Variants in SMARCA4 observed in about 807,000 individuals in gnomAD.
The protein encoded by SMARCA4 is SWI/SNF related BAF chromatin remodeling complex subunit ATPase 4.
Under a neutral mutation model 193.9 loss-of-function variants are expected in SMARCA4, and 31 were observed. That is an observed-to-expected ratio of 0.16 (90% CI 0.12 to 0.22). SMARCA4 has a LOEUF of 0.22. Among genes scored for constraint, SMARCA4 ranks in the 10% least tolerant of loss-of-function variants. The pLI is 1.00. For missense variants in SMARCA4, 1,148 were observed against 2,296.0 expected, an observed-to-expected ratio of 0.50 and a Z score of 10.22; for synonymous variants, 942 against 933.1, an observed-to-expected ratio of 1.01 and a Z score of -0.17.
chr19:10,974,708 T>A (rs1362951007), intron 1 of SMARCA4, among the ~76,000 whole-genome samples: 5 of 104,902 alleles, frequency 4.8e-5, no homozygotes, highest in African/African-American at 1.1e-4. Flanking sequence ...TTTTTTTTTT[T>A]TTTTTTTTTT....
At position 11,034,389 on chromosome 19, in the gene SMARCA4, G is replaced by A. The variant is rs1271177682; in HGVS notation, c.3951+189G>A. Among the ~76,000 whole-genome samples, 3 of 152,140 alleles carry A rather than the reference G, an allele frequency of 2.0e-5. No individual in the cohort carries two copies. Among genetic ancestry groups the A allele is most frequent in the East Asian group, 1.9e-4 (1 of 5,188 alleles). On this transcript the variant is annotated intron_variant, in intron 28 of 34. Coordinates refer to ENST00000344626, the MANE Select transcript of SMARCA4 (RefSeq NM_003072.5). This position sits in a 1 kb window ranked among gnomAD's most constrained non-coding sequence, Gnocchi z 7.0. The stretch of plus-strand genomic sequence containing the variant: ...CCCCCAGTCTCCTGAGGATGGCATC[G>A]GAGGGCGAGATGCACACCCAGCCTT...
At chr19:11,049,167 G>A (rs547601987) in intron 30 of SMARCA4, among the ~76,000 whole-genome samples, 15 of 152,300 alleles carry the variant, frequency 9.8e-5, no homozygotes, top group East Asian at 9.7e-4. Context: ...AGTGTCCCAG[G>A]CAGAGAGGAC....
Position 11,035,063 on chromosome 19 carries a change from C to T in SMARCA4, c.4101C>T (p.Phe1367=), listed in dbSNP as rs772075876. ...LTCEEEEEKM[F]GRGSRHRKEV... is the part of the protein sequence containing the mutation. ...GTGAGGAGGAGGAGGAGAAGATGTTCGGCCGTGGCTCCCGCCACCGCAAGG... is the reference window on the plus strand; with the variant it reads ...GTGAGGAGGAGGAGGAGAAGATGTTTGGCCGTGGCTCCCGCCACCGCAAGG... Residue 1367 remains phenylalanine (F), a synonymous_variant, in exon 29 of 35, where the codon TTC becomes TTT. Coordinates refer to ENST00000344626, the MANE Select transcript of SMARCA4 (RefSeq NM_003072.5). 5.0e-6 allele frequency: 8 copies of T among 1,612,994 alleles called. No individual in the cohort carries two copies. Among genetic ancestry groups the T allele is most frequent in the African/African-American group, 4.0e-5 (3 of 75,066 alleles).
At chr19:11,043,048 T>C (rs185039946) in intron 30 of SMARCA4, among the ~76,000 whole-genome samples, 13 of 152,136 alleles carry the variant, frequency 8.5e-5, no homozygotes, top group East Asian at 5.8e-4. Context: ...CCCAGCACTT[T>C]AGGAGGCCAA....
intron 1 of SMARCA4, among the ~76,000 whole-genome samples, chr19:10,968,067 G>C: frequency 6.6e-6 from 1 of 151,002 alleles, no homozygotes; most frequent in South Asian, 2.1e-4. Flanking sequence ...TAGCCAGGAT[G>C]GTCTTGATCT....
Position 11,058,248 on chromosome 19 carries a change from C to T in SMARCA4, c.4425-7C>T, listed in dbSNP as rs1600629535. ...CGGGGGTGATAGCCGCCGGTTCTGCCTTGCAGCAGCAGTGGACGTCAGCTC... is the reference window on the plus strand; with the variant it reads ...CGGGGGTGATAGCCGCCGGTTCTGCTTTGCAGCAGCAGTGGACGTCAGCTC... On this transcript the variant is annotated splice_region_variant and splice_polypyrimidine_tract_variant and intron_variant, in intron 30 of 34. Transcript: ENST00000344626. This position sits in a 1 kb window ranked among gnomAD's most constrained non-coding sequence, Gnocchi z 5.8. 6.2e-7 allele frequency: 1 copy of T among 1,608,144 alleles called. No individual in the cohort carries two copies.
intron 1 of SMARCA4, among the ~76,000 whole-genome samples, chr19:10,975,560 T>C (rs1041712145): frequency 2.0e-5 from 3 of 151,266 alleles, no homozygotes; most frequent in Non-Finnish European, 4.4e-5. Context: ...CCGCCCACCT[T>C]GGCCTCGCAA....
At position 11,048,447 on chromosome 19, in the gene SMARCA4, A is replaced by G. The variant is rs146358147; in HGVS notation, c.4424+6887A>G. Among the ~76,000 whole-genome samples the G allele has an allele frequency of 2.9e-4, 44 of 152,328 alleles. No homozygotes were observed. The East Asian group carries it at 8.1e-3, about 28-fold the overall frequency. On this transcript the variant is annotated intron_variant, in intron 30 of 34. Coordinates refer to ENST00000344626, the MANE Select transcript of SMARCA4 (RefSeq NM_003072.5). Reference sequence around the variant, plus strand: ...CTCTCCAGAACCCTCTAAGTAGTTCAGCTCTGCAATTGAGTTAAATGTGAA... The same window carrying G: ...CTCTCCAGAACCCTCTAAGTAGTTCGGCTCTGCAATTGAGTTAAATGTGAA...
At chr19:10,977,309 C>A (rs778240192) in intron 1 of SMARCA4, among the ~76,000 whole-genome samples, 2 of 151,752 alleles carry the variant, frequency 1.3e-5, no homozygotes, top group Non-Finnish European at 2.9e-5. Flanking sequence ...GTTACGGACT[C>A]GAGTTTTTTT....
intron 19 of SMARCA4, 97 bp downstream of exon 19, chr19:11,022,064 G>A (rs1274283218): frequency 2.6e-6 from 4 of 1,561,194 alleles, no homozygotes; most frequent in Admixed American, 1.7e-5. Flanking sequence ...GGCTGGGCCT[G>A]TGCTGGGTGC....
At chr19:11,018,546 T>C (rs749759028) in intron 16 of SMARCA4, among the ~76,000 whole-genome samples, 2 of 152,156 alleles carry the variant, frequency 1.3e-5, no homozygotes, top group African/African-American at 4.8e-5. Context: ...AGAAAGACTG[T>C]TTGGTGTCTC....
At chr19:10,997,579 G>A (rs536629650) in intron 11 of SMARCA4, among the ~76,000 whole-genome samples, 1 of 152,186 alleles carries the variant, frequency 6.6e-6, no homozygotes, top group South Asian at 2.1e-4. Context: ...ACCCGCCTTG[G>A]CCTCCCAAAG....
chr19:11,019,320 G>A lies in SMARCA4; in HGVS notation c.2506-271G>A. ...GAAGAGGGGAGCCTGTCAGCCACCA[G>A]GAATGTGCAGATGGCGGTGCAGGCT... On this transcript the variant is annotated intron_variant, in intron 17 of 34. Coordinates refer to ENST00000344626, the MANE Select transcript of SMARCA4 (RefSeq NM_003072.5). The surrounding 1 kb of genome is among the most constrained non-coding windows in gnomAD (Gnocchi z 6.1). The A allele has an allele frequency of 1.6e-6, 1 of 606,230 alleles. No individual in the cohort carries two copies. 37.6% of individuals were successfully genotyped at this position (606,230 alleles called of 1,614,324 possible). A position where few individuals can be genotyped will look rare whatever the true frequency, so the allele number is the denominator to read the frequency against.
In SMARCA4 at chr19:11,019,617, T is replaced by C. The variant is rs779431261; in HGVS notation, c.2532T>C (p.Phe844=). The change falls in exon 18 of 35, where the codon TTT becomes TTC. Residue 844 remains phenylalanine, a synonymous_variant. Coordinates refer to ENST00000344626, the MANE Select transcript of SMARCA4 (RefSeq NM_003072.5). The surrounding 1 kb of genome is among the most constrained non-coding windows in gnomAD (Gnocchi z 6.1). ...YKGSPAARRA[F]VPQLRSGKFN... is the part of the protein sequence containing the mutation. ...GATCCCCAGCAGCAAGACGGGCCTTTGTCCCCCAGCTCCGGAGTGGGAAGT... is the reference window on the plus strand; with the variant it reads ...GATCCCCAGCAGCAAGACGGGCCTTCGTCCCCCAGCTCCGGAGTGGGAAGT... 6.8e-6 allele frequency: 11 copies of C among 1,612,818 alleles called. No individual in the cohort carries two copies. The East Asian group carries it at 2.0e-4, about 29-fold the overall frequency.
At chr19:11,048,461 G>T (rs1281800824) in intron 30 of SMARCA4, among the ~76,000 whole-genome samples, 1 of 152,224 alleles carries the variant, frequency 6.6e-6, no homozygotes, top group Non-Finnish European at 1.5e-5. Context: ...CTGCAATTGA[G>T]TTAAATGTGA....
rs747530982 is a variant in SMARCA4 at position 11,041,255 on chromosome 19, G to T, written c.4171-52G>T. 1 of 1,565,642 alleles carries T rather than the reference G, an allele frequency of 6.4e-7. No individual in the cohort carries two copies. The highest frequency in any genetic ancestry group is 8.7e-7 in the Non-Finnish European group (1 of 1,155,880). ...CCCCTGGGATTGCGTCGCGGCCTCT[G>T]CTTGTCGACCTGGGTGCTGGCTGTC... On this transcript the variant is annotated intron_variant, in intron 29 of 34. Coordinates refer to ENST00000344626, the MANE Select transcript of SMARCA4 (RefSeq NM_003072.5). The surrounding 1 kb of genome is among the most constrained non-coding windows in gnomAD (Gnocchi z 5.6).
Position 10,986,272 on chromosome 19 carries a change from T to G in SMARCA4, c.439T>G (p.Ser147Ala). 1 of 1,613,744 alleles carries G rather than the reference T, an allele frequency of 6.2e-7. No homozygotes were observed. The change falls in exon 4 of 35, where the codon TCC becomes GCC. Residue 147 changes from serine (S) to alanine (A), a missense_variant. Physicochemically the swap from Ser to Ala is moderately conservative, Grantham distance 99. This residue lies in a region of SMARCA4 where 201 missense variants were observed against 248.3 expected (regional missense o/e 0.81). Coordinates refer to ENST00000344626, the MANE Select transcript of SMARCA4 (RefSeq NM_003072.5). This position sits in a 1 kb window ranked among gnomAD's most constrained non-coding sequence, Gnocchi z 6.7. ...CCCGTCTTCGGGGCCCCAGATGTCT[T>G]CCGGGCCAGGAGGTGCCCCGCTGGA... is the stretch of plus-strand genomic sequence containing the variant. Reference protein sequence around the residue: ...SGPSSGPQMSSGPGGAPLDGA... With the variant: ...SGPSSGPQMSAGPGGAPLDGA...
rs1196941618 is a variant in SMARCA4, at chr19:11,026,254, T to G, written c.3169-46T>G. On this transcript the variant is annotated intron_variant, in intron 22 of 34. Coordinates refer to ENST00000344626, the MANE Select transcript of SMARCA4 (RefSeq NM_003072.5). ...GTGTGCGGACCGCAGCGGGGCCCGG[T>G]GGCCTGCTCCTGCCTGTCACTGACC... is the stretch of plus-strand genomic sequence containing the variant. 3 of 1,536,030 alleles carry G rather than the reference T, an allele frequency of 2.0e-6. No homozygotes were observed. In the Admixed American group the frequency reaches 5.0e-5, roughly 26 times the overall value.
intron 21 of SMARCA4, among the ~76,000 whole-genome samples, chr19:11,025,015 TGGAGCCCAG>T (rs2090150897): frequency 1.0e-5 from 1 of 99,482 alleles, no homozygotes; most frequent in African/African-American, 3.9e-5. Context: ...TTCCTCATCC[TGGAGCCCAG>T]GGAGCCCTGA....
Sources: gnomAD v4.1 joint callset for allele counts (sites outside exome capture counted in the v4.1 genomes callset) on GRCh38, gnomAD v4.1.1 for gene constraint, gnomAD v4.1.1 regional missense constraint, Gnocchi (gnomAD v3.1) non-coding constraint, MANE v1.5 for transcripts, NCBI Gene and HGNC (gene_info 2026-07-23, HGNC 2026-07-21) for gene names.